HDGFL2: variants seen among roughly 807,000 people sequenced by gnomAD.
HDGFL2 encodes the protein hepatoma-derived growth factor-related protein 2.
HDGFL2 carries 36 observed loss-of-function variants against 77.1 expected under a neutral mutation model. The ratio of observed to expected loss-of-function variants is 0.47; its 90% CI spans 0.36 to 0.62. HDGFL2 has a LOEUF of 0.62. Among genes scored for constraint, HDGFL2 ranks in the 20% least tolerant of loss-of-function variants. The pLI, the probability that HDGFL2 is intolerant of heterozygous loss-of-function variation, is 0.00. For synonymous variants in HDGFL2, 463 were observed against 413.1 expected (o/e 1.12, Z -1.46); for missense variants, 976 against 973.4 (o/e 1.00, Z -0.04).
chr19:4,485,295 C>T (rs190329977), intron 3 of HDGFL2, among the ~76,000 whole-genome samples: 1 of 152,166 alleles, frequency 6.6e-6, no homozygotes. Context: ...GTCAGCTGAG[C>T]GTGGCATCCT....
At chr19:4,497,012 T>A (rs1975721561) in intron 10 of HDGFL2, 1 of 383,818 alleles carries the variant, frequency 2.6e-6, no homozygotes, top group Non-Finnish European at 5.2e-6. Flanking sequence ...GTAGCTGGGA[T>A]TACAGGCACC....
chr19:4,480,208 G>C (rs1296754283), intron 3 of HDGFL2, among the ~76,000 whole-genome samples: 1 of 152,192 alleles, frequency 6.6e-6, no homozygotes, highest in Non-Finnish European at 1.5e-5. Context: ...TTGCTTGGTA[G>C]ATGAAGAGGT....
chr19:4,475,251 C>T, intron 1 of HDGFL2, 24 bp from the exon 2 acceptor site: 1 of 1,608,530 alleles, frequency 6.2e-7, no homozygotes, highest in Non-Finnish European at 8.5e-7. Flanking sequence ...GTAAAGCCAC[C>T]CCCTCACTGG....
chr19:4,498,142 T>C, intron 11 of HDGFL2, 111 bp downstream of exon 11: 1 of 1,237,406 alleles, frequency 8.1e-7, no homozygotes, highest in Non-Finnish European at 1.1e-6. Flanking sequence ...GCTCAGCACA[T>C]CCTCGGCCGG....
Position 4,499,672 on chromosome 19 carries a change from C to T in HDGFL2, c.1757C>T (p.Pro586Leu), listed in dbSNP as rs1454846783. 1 of 1,575,464 alleles carries T rather than the reference C, an allele frequency of 6.3e-7. No individual in the cohort carries two copies. The change falls in exon 14 of 16, where the codon CCC (proline) becomes CTC (leucine). Residue 586 changes from proline (P) to leucine (L), a missense_variant. Physicochemically the swap from Pro to Leu is moderately conservative, Grantham distance 98. This residue lies in a region of HDGFL2 where 229 missense variants were observed against 187.3 expected (regional missense o/e 1.22). Transcript: ENST00000616600. Reference sequence around the variant, plus strand: ...GAGGAGCTGGCCGGGGAGGAGGCCCCCCAGGAGAAGGCGGAGGACAAGCCC... The same window carrying T: ...GAGGAGCTGGCCGGGGAGGAGGCCCTCCAGGAGAAGGCGGAGGACAAGCCC... ...AGEELAGEEAPQEKAEDKPST... is the reference protein window; with the variant it reads ...AGEELAGEEALQEKAEDKPST...
intron 3 of HDGFL2, among the ~76,000 whole-genome samples, chr19:4,482,810 C>T (rs1341968263): frequency 4.6e-5 from 7 of 152,332 alleles, no homozygotes; most frequent in Non-Finnish European, 1.0e-4. Context: ...CCACCGGTTA[C>T]ATGGGGCATT....
chr19:4,501,091 G>T (rs966042066), intron 14 of HDGFL2, 100 bp from the exon 15 acceptor site: 1 of 1,469,874 alleles, frequency 6.8e-7, no homozygotes, highest in Non-Finnish European at 9.3e-7. Flanking sequence ...TGTCACCCAC[G>T]GCGCTCAGCT....
rs753256460 is a variant in HDGFL2, at chr19:4,501,355, G to A, written c.1916+38G>A. On this transcript the variant is annotated intron_variant, in intron 15 of 15. Transcript: ENST00000616600. ...GGCCGTGGGGTTTGGACTCCTGAGC[G>A]GCAGCGGTGTGACGCGCACCCTGGG... 2.1e-5 allele frequency: 32 copies of A among 1,550,676 alleles called. No individual in the cohort carries two copies. In the Middle Eastern group the frequency reaches 6.3e-4, roughly 31 times the overall value.
intron 10 of HDGFL2, 120 bp from the exon 11 acceptor site, chr19:4,497,838 C>A (rs1599723823): frequency 1.2e-6 from 1 of 867,366 alleles, no homozygotes; most frequent in Non-Finnish European, 1.8e-6. Context: ...CCCGGCTTAG[C>A]TCCCAGGGCC....
At chr19:4,498,977 C>G (rs540127431) in intron 13 of HDGFL2, 62 bp downstream of exon 13, 7 of 1,212,532 alleles carry the variant, frequency 5.8e-6, no homozygotes, top group Middle Eastern at 2.0e-4. Flanking sequence ...AGTGCCTGCC[C>G]GGGAGCCCAG....
chr19:4,490,731 CAG>C (rs1372228903), intron 4 of HDGFL2, among the ~76,000 whole-genome samples: 1 of 151,860 alleles, frequency 6.6e-6, no homozygotes, highest in Non-Finnish European at 1.5e-5. Flanking sequence ...ATGCAAAGAA[CAG>C]AGAGAATTTG....
In HDGFL2 at chr19:4,475,398, G is replaced by A. The variant is rs757124863; in HGVS notation, c.149+47G>A. 5.6e-6 allele frequency: 9 copies of A among 1,613,914 alleles called. No individual in the cohort carries two copies. The Admixed American group carries it at 1.3e-4, about 24-fold the overall frequency. On this transcript the variant is annotated intron_variant, in intron 2 of 15. Coordinates refer to ENST00000616600, the MANE Select transcript of HDGFL2 (RefSeq NM_001001520.3). ...TTGGTTTTCTCCTCTGGTGCCTCCC[G>A]GGGTGGCCTCACTCACCTGGGACTG...
At chr19:4,493,251 TGTC>T (rs981184713) in intron 6 of HDGFL2, among the ~76,000 whole-genome samples, 3 of 131,364 alleles carry the variant, frequency 2.3e-5, no homozygotes, top group East Asian at 4.6e-4. Flanking sequence ...GTATGTGTGT[TGTC>T]TGTGTGTGTG....
chr19:4,491,492 G>C (rs1310452670), intron 4 of HDGFL2, 74 bp from the exon 5 acceptor site: 1 of 1,300,324 alleles, frequency 7.7e-7, no homozygotes, highest in East Asian at 2.3e-5. Flanking sequence ...GTGGGTGGTG[G>C]GCAGTCAGCT....
chr19:4,476,399 G>T (rs980963463), intron 3 of HDGFL2, among the ~76,000 whole-genome samples: 3 of 150,008 alleles, frequency 2.0e-5, no homozygotes, highest in Non-Finnish European at 4.4e-5. Flanking sequence ...CACCATGTTG[G>T]CCAGGCTGGT....
At chr19:4,480,757 T>C (rs1277806996) in intron 3 of HDGFL2, among the ~76,000 whole-genome samples, 1 of 152,138 alleles carries the variant, frequency 6.6e-6, no homozygotes. Flanking sequence ...GCCTGTTGTA[T>C]GAGCGGGTGG....
intron 1 of HDGFL2, among the ~76,000 whole-genome samples, chr19:4,473,111 C>T (rs544200048): frequency 4.9e-5 from 7 of 144,328 alleles, no homozygotes; most frequent in Admixed American, 2.7e-4. Flanking sequence ...CTGGGGGTCC[C>T]GGGCCCGAGG....
At chr19:4,498,285 G>C in intron 11 of HDGFL2, 21 bp from the exon 12 acceptor site, 1 of 1,608,018 alleles carries the variant, frequency 6.2e-7, no homozygotes, top group Non-Finnish European at 8.5e-7. Flanking sequence ...GGCCCACACG[G>C]TGCTCTCTCT....
In HDGFL2 at chr19:4,494,158, G is replaced by T; in HGVS notation, c.915-8G>T. The T allele has an allele frequency of 6.7e-7, 1 of 1,490,288 alleles. No individual in the cohort carries two copies. Among genetic ancestry groups the T allele is most frequent in the South Asian group, 1.3e-5 (1 of 75,150 alleles). The allele number at this position is 1,490,288 out of a possible 1,614,324, so 92.3% of individuals were successfully genotyped here. ...ACGGAGGTCCCCAACCGCCCCCTCCGCCTCCAGTGACAGCGACGAGGTGGA... is the reference window on the plus strand; with the variant it reads ...ACGGAGGTCCCCAACCGCCCCCTCCTCCTCCAGTGACAGCGACGAGGTGGA... On this transcript the variant is annotated splice_polypyrimidine_tract_variant and splice_region_variant and intron_variant, in intron 8 of 15. Transcript: ENST00000616600.
Sources: allele counts gnomAD v4.1 joint callset (sites outside exome capture counted in the v4.1 genomes callset), GRCh38; gene constraint gnomAD v4.1.1; regional missense constraint gnomAD v4.1.1; transcripts MANE v1.5; gene names NCBI Gene and HGNC (gene_info 2026-07-23, HGNC 2026-07-21).